The following OSBPL10 variants were observed in gnomAD, a reference collection of about 807,000 sequenced individuals.
OSBPL10 encodes the protein oxysterol binding protein like 10.
In OSBPL10, 49 loss-of-function variants were observed where a neutral mutation model predicts 81.7. The observed-to-expected ratio is 0.60, with a 90% CI of 0.48 to 0.76. The LOEUF (loss-of-function observed/expected upper bound fraction) is 0.76. Among genes scored for constraint, OSBPL10 ranks in the 30% least tolerant of loss-of-function variants. The pLI is 0.00. For missense variants in OSBPL10, 923 were observed against 987.8 expected (o/e 0.93, Z 0.88); for synonymous variants, 419 against 383.6 (o/e 1.09, Z -1.08).
intron 6 of OSBPL10, chr3:31,732,455 T>C (rs979548367): frequency 2.6e-5 from 4 of 152,174 alleles, no homozygotes; most frequent in African/African-American, 9.7e-5. Flanking sequence ...CTAAAATGAT[T>C]TCAATGGAAA....
chr3:31,787,677 C>T (rs937659259), intron 4 of OSBPL10, among the ~76,000 whole-genome samples: 11 of 151,974 alleles, frequency 7.2e-5, no homozygotes, highest in African/African-American at 2.7e-4. Context: ...GCCACACCAA[C>T]CCTGTTGATC....
chr3:31,718,574 G>T (rs966988969), intron 6 of OSBPL10, among the ~76,000 whole-genome samples: 1 of 152,190 alleles, frequency 6.6e-6, no homozygotes. Flanking sequence ...CATAAAACAG[G>T]ATCATGAAAC....
chr3:31,975,072 T>C (rs1014237276), intron 1 of OSBPL10, among the ~76,000 whole-genome samples: 4 of 152,128 alleles, frequency 2.6e-5, no homozygotes, highest in Non-Finnish European at 5.9e-5. Context: ...TACACACACT[T>C]TCAAAGGAGG....
intron 1 of OSBPL10, among the ~76,000 whole-genome samples, chr3:31,937,565 C>T (rs2125732514): frequency 6.6e-6 from 1 of 152,200 alleles, no homozygotes; most frequent in Non-Finnish European, 1.5e-5. Context: ...TCATGCCTTT[C>T]AGTCCTGTCC....
chr3:31,790,741 G>A (rs1397400958), intron 4 of OSBPL10, among the ~76,000 whole-genome samples: 1 of 152,130 alleles, frequency 6.6e-6, no homozygotes, highest in Non-Finnish European at 1.5e-5. Flanking sequence ...GACACCTGGT[G>A]ACCCTGATAA....
At chr3:31,876,647 A>G (rs1316096429) in intron 2 of OSBPL10, 135 bp from the exon 3 acceptor site, 1 of 680,074 alleles carries the variant, frequency 1.5e-6, no homozygotes, top group Non-Finnish European at 2.6e-6. Flanking sequence ...AAGCAAGCAC[A>G]GATCACAACG....
intron 1 of OSBPL10, among the ~76,000 whole-genome samples, chr3:31,895,441 C>CT (rs1485164878): frequency 6.6e-6 from 1 of 151,850 alleles, no homozygotes; most frequent in Non-Finnish European, 1.5e-5. Context: ...CCAGCCCAGA[C>CT]TTTTTTTAAA....
At chr3:31,789,794 T>A (rs1053637301) in intron 4 of OSBPL10, among the ~76,000 whole-genome samples, 3 of 152,144 alleles carry the variant, frequency 2.0e-5, no homozygotes, top group African/African-American at 7.2e-5. Context: ...CTCCTTGGGG[T>A]TAGGGATCAT....
At chr3:31,829,334 G>A (rs1033359190) in intron 4 of OSBPL10, among the ~76,000 whole-genome samples, 3 of 152,204 alleles carry the variant, frequency 2.0e-5, no homozygotes, top group South Asian at 4.2e-4. Context: ...GGATACTAAG[G>A]ATCTGGGATC....
intron 3 of OSBPL10, among the ~76,000 whole-genome samples, chr3:31,855,809 G>T (rs1700896208): frequency 6.6e-6 from 1 of 152,048 alleles, no homozygotes; most frequent in Non-Finnish European, 1.5e-5. Context: ...GCAGTTCAGT[G>T]CAGGAAATGT....
chr3:31,831,297 T>C (rs769991164), intron 3 of OSBPL10, among the ~76,000 whole-genome samples: 23 of 151,064 alleles, frequency 1.5e-4, no homozygotes, highest in Non-Finnish European at 2.8e-4. Flanking sequence ...TCGCAGCTAC[T>C]CAGGAGGCTG....
intron 2 of OSBPL10, among the ~76,000 whole-genome samples, chr3:32,017,261 A>T (rs1249617088): frequency 1.3e-5 from 2 of 152,236 alleles, no homozygotes; most frequent in Non-Finnish European, 2.9e-5. Context: ...CAAAGAAGTT[A>T]AAAAGCTTTC....
chr3:31,941,706 G>A (rs942436967), intron 1 of OSBPL10, among the ~76,000 whole-genome samples: 2 of 152,112 alleles, frequency 1.3e-5, no homozygotes, highest in African/African-American at 2.4e-5. Flanking sequence ...CATCTCAGAG[G>A]GGCCCATCTT....
intron 7 of OSBPL10, among the ~76,000 whole-genome samples, chr3:31,692,332 A>G (rs1454016010): frequency 6.6e-6 from 1 of 152,222 alleles, no homozygotes; most frequent in Admixed American, 6.5e-5. Flanking sequence ...GCAGTGTTAA[A>G]TTAGTCCAGT....
chr3:31,885,316 C>T (rs1206441624), intron 1 of OSBPL10, among the ~76,000 whole-genome samples: 2 of 152,130 alleles, frequency 1.3e-5, no homozygotes, highest in East Asian at 1.9e-4. Flanking sequence ...AACTCATGCA[C>T]ACTTGCACAA....
chr3:31,729,420 T>C (rs569763711), intron 6 of OSBPL10, among the ~76,000 whole-genome samples: 7 of 152,112 alleles, frequency 4.6e-5, no homozygotes, highest in Admixed American at 4.6e-4. Flanking sequence ...AGGGGCCCCT[T>C]AGACTTTTCT....
In OSBPL10 at chr3:31,664,618, T is replaced by C. The variant is rs540571249; in HGVS notation, c.2097-386A>G. ...TAATCCTCACAGCAACCCAATGATATATTATAGACGGTAGATTCTTATCTC... is the reference window on the plus strand; with the variant it reads ...TAATCCTCACAGCAACCCAATGATACATTATAGACGGTAGATTCTTATCTC... On this transcript the variant is annotated intron_variant, in intron 10 of 11. Coordinates refer to ENST00000396556, the MANE Select transcript of OSBPL10 (RefSeq NM_017784.5). 9.7e-4 allele frequency: 245 copies of C among 252,644 alleles called. 2 individuals are homozygous for C. The highest frequency in any genetic ancestry group is 1.5e-3 in the Non-Finnish European group (189 of 130,250). The allele number at this position is 252,644 out of a possible 1,614,324, so 15.7% of individuals were successfully genotyped here. A position where few individuals can be genotyped will look rare whatever the true frequency, so the allele number is the denominator to read the frequency against.
Position 32,024,725 on chromosome 3 carries a change from C to T in OSBPL10, n.298+21766G>A, listed in dbSNP as rs758339493. On this transcript the variant is annotated intron_variant and non_coding_transcript_variant, in intron 2 of 3. Coordinates refer to the OSBPL10 transcript ENST00000479173. ...GTCTAGAACTCCTGACCACCTGCCTCGGCCTCCCAAAGTGCTGGGATTACA... is the reference window on the plus strand; with the variant it reads ...GTCTAGAACTCCTGACCACCTGCCTTGGCCTCCCAAAGTGCTGGGATTACA... Among the ~76,000 whole-genome samples, 20 of 152,078 alleles carry T rather than the reference C, an allele frequency of 1.3e-4. 1 individual carries two copies. Among genetic ancestry groups the T allele is most frequent in the Middle Eastern group, 3.4e-3 (1 of 294 alleles).
Position 31,809,353 on chromosome 3 carries a change from A to G in OSBPL10, c.729+20687T>C, listed in dbSNP as rs151066845. On this transcript the variant is annotated intron_variant, in intron 4 of 11. Coordinates refer to ENST00000396556, the MANE Select transcript of OSBPL10 (RefSeq NM_017784.5). ...AAAGTCTCATTTGCAACAGCAACAAAAGGGGATAAAATACTTGGCAATTAA... is the reference window on the plus strand; with the variant it reads ...AAAGTCTCATTTGCAACAGCAACAAGAGGGGATAAAATACTTGGCAATTAA... Among the ~76,000 whole-genome samples the G allele has an allele frequency of 4.6e-3, 702 of 152,340 alleles. 6 individuals carry two copies. Among genetic ancestry groups the G allele is most frequent in the African/African-American group, 0.016 (653 of 41,568 alleles).
Sources: allele counts gnomAD v4.1 joint callset (sites outside exome capture counted in the v4.1 genomes callset), GRCh38; gene constraint gnomAD v4.1.1; transcripts MANE v1.5; gene names NCBI Gene and HGNC (gene_info 2026-07-23, HGNC 2026-07-21).